Variants in CDH11 observed in about 807,000 individuals in gnomAD.
CDH11 encodes the protein cadherin-11.
Under a neutral mutation model 67.8 loss-of-function variants are expected in CDH11, and 11 were observed. That is an observed-to-expected ratio of 0.16 (90% CI 0.10 to 0.27). CDH11 has a LOEUF of 0.27. CDH11 is among the 10% of genes least tolerant of loss of function. The pLI is 1.00. For synonymous variants in CDH11, 419 were observed against 400.0 expected (o/e 1.05, Z -0.57); for missense variants, 847 against 1,031.2 (o/e 0.82, Z 2.45).
intron 1 of CDH11, among the ~76,000 whole-genome samples, chr16:65,119,978 A>T (rs2075298600): frequency 6.6e-6 from 1 of 152,172 alleles, no homozygotes; most frequent in Non-Finnish European, 1.5e-5. Context: ...TAAAACTTGG[A>T]ATCAGAGATT....
chr16:65,121,816 A>G lies in CDH11; in HGVS notation c.-298+64T>C, dbSNP rs576562139. On this transcript the variant is annotated intron_variant, in intron 1 of 12. Coordinates refer to ENST00000268603, the MANE Select transcript of CDH11 (RefSeq NM_001797.4). This position sits in a 1 kb window ranked among gnomAD's most constrained non-coding sequence, Gnocchi z 4.1. ...GCCAAGACATTCTCTTCCTGAGAAA[A>G]TCCTGCCCCCCATTCCAAGAAGCCC... The G allele has an allele frequency of 1.4e-6, 1 of 701,308 alleles. No individual in the cohort carries two copies. Among genetic ancestry groups the G allele is most frequent in the Non-Finnish European group, 2.6e-6 (1 of 384,308 alleles). 43.4% of individuals were successfully genotyped at this position (701,308 alleles called of 1,614,324 possible).
upstream of CDH11, among the ~76,000 whole-genome samples, chr16:65,123,129 G>T (rs2075363802): frequency 6.6e-6 from 1 of 152,130 alleles, no homozygotes; most frequent in South Asian, 2.1e-4. Context: ...TAGGAATCAC[G>T]CCAAGGACTG....
intron 2 of CDH11, among the ~76,000 whole-genome samples, chr16:65,048,791 T>C (rs1247533673): frequency 2.0e-5 from 3 of 151,956 alleles, no homozygotes; most frequent in Non-Finnish European, 4.4e-5. Flanking sequence ...AATATATATA[T>C]ACACACACAC....
At position 64,947,169 on chromosome 16, in the gene CDH11, C is replaced by T; in HGVS notation, c.*434G>A. 9.5e-7 allele frequency: 1 copy of T among 1,048,990 alleles called. No individual in the cohort carries two copies. Among genetic ancestry groups the T allele is most frequent in the South Asian group, 4.3e-5 (1 of 23,122 alleles). 65.0% of individuals were successfully genotyped at this position (1,048,990 alleles called of 1,614,324 possible). A position where few individuals can be genotyped will look rare whatever the true frequency, so the allele number is the denominator to read the frequency against. On this transcript the variant is annotated 3_prime_UTR_variant, in exon 13 of 13. Transcript: ENST00000268603. ...ATTATATATTTCAAGTTTAAAAATG[C>T]ACTACATATAGAGTGTCCAGAGTTT...
intron 1 of CDH11, among the ~76,000 whole-genome samples, chr16:65,092,692 C>T (rs1054476864): frequency 2.6e-5 from 4 of 151,762 alleles, no homozygotes; most frequent in African/African-American, 9.7e-5. Flanking sequence ...TGCAACTCAG[C>T]TCAAATCACA....
At chr16:64,975,728 T>G (rs1468548894) in intron 8 of CDH11, among the ~76,000 whole-genome samples, 1 of 152,192 alleles carries the variant, frequency 6.6e-6, no homozygotes, top group Non-Finnish European at 1.5e-5. Context: ...TTAAATAAAT[T>G]TTTATAAAGT....
chr16:64,958,674 A>C (rs888287879), intron 11 of CDH11, among the ~76,000 whole-genome samples: 1 of 152,200 alleles, frequency 6.6e-6, no homozygotes, highest in African/African-American at 2.4e-5. Context: ...CTGACCCTGG[A>C]ACACTGACAT....
Position 64,988,290 on chromosome 16 carries a change from C to A in CDH11, c.866G>T (p.Arg289Ile). The change falls in exon 7 of 13, where the codon AGA becomes ATA. Residue 289 changes from arginine to isoleucine, a missense_variant. Coordinates refer to ENST00000268603, the MANE Select transcript of CDH11 (RefSeq NM_001797.4). ...EAAVPGEEVGRVKAKDPDIGE... is the reference protein window; with the variant it reads ...EAAVPGEEVGIVKAKDPDIGE... ...AATGTCTGGATCTTTAGCTTTCACT[C>A]TTCCTACTTCCTCCCCAGGGACGGC... is the stretch of plus-strand genomic sequence containing the variant. The A allele has an allele frequency of 6.2e-7, 1 of 1,613,698 alleles. No homozygotes were observed. Among genetic ancestry groups the A allele is most frequent in the African/African-American group, 1.3e-5 (1 of 75,030 alleles).
intron 2 of CDH11, among the ~76,000 whole-genome samples, chr16:65,035,599 G>A (rs768770398): frequency 1.3e-5 from 2 of 152,186 alleles, no homozygotes; most frequent in African/African-American, 2.4e-5. Flanking sequence ...AATGCCAGGA[G>A]TGTGCGTTCT....
intron 2 of CDH11, among the ~76,000 whole-genome samples, chr16:65,020,139 G>A (rs2073393067): frequency 6.6e-6 from 1 of 152,162 alleles, no homozygotes; most frequent in Non-Finnish European, 1.5e-5. Context: ...TTCCAGCAAA[G>A]CCGGGGACAT....
rs560031045 is a variant in CDH11 at position 65,121,798 on chromosome 16, C to T, written c.-298+82G>A. 2.9e-5 allele frequency: 20 copies of T among 699,102 alleles called. No homozygotes were observed. Among genetic ancestry groups the T allele is most frequent in the South Asian group, 2.8e-4 (19 of 67,194 alleles). The allele number at this position is 699,102 out of a possible 1,614,324, so 43.3% of individuals were successfully genotyped here. A position where few individuals can be genotyped will look rare whatever the true frequency, so the allele number is the denominator to read the frequency against. On this transcript the variant is annotated intron_variant, in intron 1 of 12. Transcript: ENST00000268603. The surrounding 1 kb of genome is among the most constrained non-coding windows in gnomAD (Gnocchi z 4.1). Reference sequence around the variant, plus strand: ...CCCTCACCACCCCGCCCCGCCAAGACATTCTCTTCCTGAGAAAATCCTGCC... The same window carrying T: ...CCCTCACCACCCCGCCCCGCCAAGATATTCTCTTCCTGAGAAAATCCTGCC...
intron 4 of CDH11, among the ~76,000 whole-genome samples, chr16:64,995,257 G>A (rs1164900402): frequency 2.0e-5 from 3 of 151,908 alleles, no homozygotes; most frequent in Admixed American, 1.3e-4. Flanking sequence ...AGACTCATAT[G>A]GAACCAAAAA....
intron 11 of CDH11, among the ~76,000 whole-genome samples, chr16:64,959,126 C>T (rs2071602367): frequency 6.6e-6 from 1 of 152,188 alleles, no homozygotes; most frequent in Non-Finnish European, 1.5e-5. Flanking sequence ...CTACACACCA[C>T]TGTTCTTCCA....
At chr16:65,095,407 A>T (rs2074872457) in intron 1 of CDH11, among the ~76,000 whole-genome samples, 1 of 152,234 alleles carries the variant, frequency 6.6e-6, no homozygotes, top group South Asian at 2.1e-4. Flanking sequence ...TAGGAAAAAT[A>T]TATAGTTTAC....
chr16:65,087,451 C>T (rs1227964925), intron 1 of CDH11, among the ~76,000 whole-genome samples: 1 of 152,154 alleles, frequency 6.6e-6, no homozygotes, highest in African/African-American at 2.4e-5. Context: ...GCAATAAGTA[C>T]TAGGTGGACT....
intron 8 of CDH11, among the ~76,000 whole-genome samples, chr16:64,978,599 A>G (rs1443314096): frequency 1.3e-5 from 2 of 152,222 alleles, no homozygotes; most frequent in Non-Finnish European, 2.9e-5. Context: ...AATTAATGCA[A>G]TGTAATCAAC....
At chr16:65,117,982 T>C (rs781549110) in intron 1 of CDH11, among the ~76,000 whole-genome samples, 281 of 152,282 alleles carry the variant, frequency 1.8e-3, no homozygotes, top group Non-Finnish European at 9.4e-4. Flanking sequence ...GGTAACAGGA[T>C]CCACCCACTA....
chr16:65,040,062 C>T (rs533397932), intron 2 of CDH11, among the ~76,000 whole-genome samples: 69 of 152,168 alleles, frequency 4.5e-4, no homozygotes, highest in Middle Eastern at 6.8e-3. Context: ...GAAACAGGTG[C>T]TGGAGAGGAT....
At position 64,944,745 on chromosome 16, in the gene CDH11, C is replaced by T. The variant is rs138434683; in HGVS notation, c.*2858G>A. On this transcript the variant is annotated 3_prime_UTR_variant, in exon 13 of 13. Transcript: ENST00000268603. ...GCCTAAAAGAAATAACTTAGCTAAA[C>T]CCAAGATCTGTCCAGAATTGCCACA... is the stretch of plus-strand genomic sequence containing the variant. 4 of 231,524 alleles carry T rather than the reference C, an allele frequency of 1.7e-5. No homozygotes were observed. The highest frequency in any genetic ancestry group is 1.1e-4 in the Admixed American group (2 of 17,722). The allele number at this position is 231,524 out of a possible 1,614,324, so 14.3% of individuals were successfully genotyped here. A position where few individuals can be genotyped will look rare whatever the true frequency, so the allele number is the denominator to read the frequency against.
Sources: gnomAD v4.1 joint callset for allele counts (sites outside exome capture counted in the v4.1 genomes callset) on GRCh38, gnomAD v4.1.1 for gene constraint, Gnocchi (gnomAD v3.1) non-coding constraint, MANE v1.5 for transcripts, NCBI Gene and HGNC (gene_info 2026-07-23, HGNC 2026-07-21) for gene names.